The following MGLL variants were observed in gnomAD, a reference collection of about 807,000 sequenced individuals.
The protein encoded by MGLL is lysophospholipase homolog.
Under a neutral mutation model 29.1 loss-of-function variants are expected in MGLL, and 7 were observed. The ratio of observed to expected loss-of-function variants is 0.24; its 90% CI spans 0.14 to 0.45. The LOEUF is 0.45. Ranked by LOEUF, MGLL falls within the 20% of genes least tolerant of loss-of-function variation. The probability of loss-of-function intolerance (pLI) is 0.99; values close to 1 mark genes in which losing one functional copy is unlikely to be tolerated. For missense variants in MGLL, 356 were observed against 413.6 expected (o/e 0.86, Z 1.21); for synonymous variants, 148 against 168.3 (o/e 0.88, Z 0.93).
chr3:127,717,201 G>A (rs1358259217), intron 5 of MGLL, among the ~76,000 whole-genome samples: 1 of 152,222 alleles, frequency 6.6e-6, no homozygotes, highest in East Asian at 1.9e-4. Flanking sequence ...GCTTGAAAGA[G>A]TGGCCATGTT....
At chr3:127,696,312 TC>T (rs2075361325) in intron 6 of MGLL, among the ~76,000 whole-genome samples, 1 of 150,492 alleles carries the variant, frequency 6.6e-6, no homozygotes, top group African/African-American at 2.4e-5. Context: ...CCCTGATCTC[TC>T]TAGCATCTGC....
At chr3:127,787,479 G>A (rs182756160) in intron 2 of MGLL, among the ~76,000 whole-genome samples, 1 of 152,222 alleles carries the variant, frequency 6.6e-6, no homozygotes, top group African/African-American at 2.4e-5. Flanking sequence ...GCAATGCCAG[G>A]CTCCCTTAAA....
intron 3 of MGLL, among the ~76,000 whole-genome samples, chr3:127,750,605 C>T (rs999447443): frequency 2.0e-5 from 3 of 147,954 alleles, no homozygotes; most frequent in South Asian, 4.5e-4. Flanking sequence ...AGGTTTCAGT[C>T]ATTTCCACTC....
intron 2 of MGLL, among the ~76,000 whole-genome samples, chr3:127,794,543 T>A (rs1310378753): frequency 7.1e-6 from 1 of 141,384 alleles, no homozygotes; most frequent in African/African-American, 2.9e-5. Context: ...TCTTCTGTGA[T>A]GTAAGGCTGT....
At chr3:127,754,020 T>C (rs1381155283) in intron 3 of MGLL, among the ~76,000 whole-genome samples, 1 of 152,220 alleles carries the variant, frequency 6.6e-6, no homozygotes, top group Non-Finnish European at 1.5e-5. Flanking sequence ...GCCCATTCTG[T>C]AGCCACAGTA....
intron 6 of MGLL, among the ~76,000 whole-genome samples, chr3:127,697,774 A>C (rs1429514617): frequency 1.3e-5 from 2 of 152,186 alleles, no homozygotes; most frequent in Non-Finnish European, 2.9e-5. Context: ...GGGTGTCCTG[A>C]TGCCAAGAAG....
intron 6 of MGLL, among the ~76,000 whole-genome samples, chr3:127,700,706 C>T (rs1028098294): frequency 6.6e-6 from 1 of 152,234 alleles, no homozygotes; most frequent in Non-Finnish European, 1.5e-5. Flanking sequence ...CAGCTGGCAA[C>T]CGCTGGCCAC....
intron 3 of MGLL, among the ~76,000 whole-genome samples, chr3:127,777,245 C>G (rs586919): frequency 0.7 from 105,887 of 152,086 alleles, 38,544 homozygotes; most frequent in Middle Eastern, 0.84. Context: ...AAAGGAAATC[C>G]TGTGAGTGAG....
chr3:127,815,698 G>A (rs989373110), intron 2 of MGLL, among the ~76,000 whole-genome samples: 1 of 152,172 alleles, frequency 6.6e-6, no homozygotes, highest in Non-Finnish European at 1.5e-5. Context: ...TAGGAGCTGC[G>A]ACCCAGCCCA....
chr3:127,690,747 G>A lies in MGLL; in HGVS notation c.*1451C>T, dbSNP rs969560832. On this transcript the variant is annotated 3_prime_UTR_variant, in exon 8 of 8. Coordinates refer to ENST00000265052, the MANE Select transcript of MGLL (RefSeq NM_007283.7). ...TAACAGCAAGTCCCATTTAGAAGGG[G>A]AAAGTATTCCCGAGGCGGGTGGTGA... 1 of 152,810 alleles carries A rather than the reference G, an allele frequency of 6.5e-6. No individual in the cohort carries two copies. The highest frequency in any genetic ancestry group is 1.5e-5 in the Non-Finnish European group (1 of 68,124). 9.5% of individuals were successfully genotyped at this position (152,810 alleles called of 1,614,324 possible).
intron 2 of MGLL, among the ~76,000 whole-genome samples, chr3:127,788,402 C>A (rs190217103): frequency 6.6e-6 from 1 of 152,246 alleles, no homozygotes; most frequent in Admixed American, 6.5e-5. Context: ...AGGTTTTGAG[C>A]CCAGCAGAAT....
rs1299209823 is a variant in MGLL, at chr3:127,689,635, ATTCC to A, written c.*2559_*2562del. The A allele has an allele frequency of 6.6e-6, 1 of 152,374 alleles. No homozygotes were observed. Among genetic ancestry groups the A allele is most frequent in the African/African-American group, 2.4e-5 (1 of 41,460 alleles). The allele number at this position is 152,374 out of a possible 1,614,324, so 9.4% of individuals were successfully genotyped here. A position where few individuals can be genotyped will look rare whatever the true frequency, so the allele number is the denominator to read the frequency against. Reference sequence around the variant, plus strand: ...GAGGCCAAGCTGTGCGAGACCTGGCATTCCTTCCAAACCTCAGTTCCTCCACGCC... The same window carrying A: ...GAGGCCAAGCTGTGCGAGACCTGGCATTCCAAACCTCAGTTCCTCCACGCC... On this transcript the variant is annotated 3_prime_UTR_variant, in exon 8 of 8. Transcript: ENST00000265052.
At chr3:127,806,674 T>A (rs932589504) in intron 2 of MGLL, among the ~76,000 whole-genome samples, 1 of 151,750 alleles carries the variant, frequency 6.6e-6, no homozygotes, top group South Asian at 2.1e-4. Flanking sequence ...GATGGGTAAA[T>A]GGATGAATGG....
chr3:127,756,100 T>C (rs1021217952), intron 3 of MGLL, among the ~76,000 whole-genome samples: 3 of 152,222 alleles, frequency 2.0e-5, no homozygotes, highest in Non-Finnish European at 4.4e-5. Context: ...ATAAATGTAA[T>C]GTGATGGCTG....
intron 3 of MGLL, among the ~76,000 whole-genome samples, chr3:127,775,306 A>G (rs2077014585): frequency 6.6e-6 from 1 of 152,234 alleles, no homozygotes. Flanking sequence ...AAGGCAAGAA[A>G]AACGGTTAAC....
intron 7 of MGLL, among the ~76,000 whole-genome samples, chr3:127,693,477 A>ACTGGTGCATCCTCACTGG (rs1407865945): frequency 3.4e-4 from 52 of 152,290 alleles, no homozygotes; most frequent in Admixed American, 8.5e-4. Flanking sequence ...AGCGTCCCTG[A>ACTGGTGCATCCTCACTGG]CTGGTGCATC....
At chr3:127,777,502 G>A (rs755274074) in intron 3 of MGLL, among the ~76,000 whole-genome samples, 2 of 152,230 alleles carry the variant, frequency 1.3e-5, no homozygotes, top group African/African-American at 4.8e-5. Flanking sequence ...AGCCTGCCAG[G>A]ATTTCTAAGT....
intron 3 of MGLL, among the ~76,000 whole-genome samples, chr3:127,765,475 G>T (rs1164887099): frequency 6.6e-6 from 1 of 152,220 alleles, no homozygotes; most frequent in African/African-American, 2.4e-5. Context: ...GGCTTCCAAA[G>T]CCCCCAACAC....
At chr3:127,728,812 T>C (rs2076093814) in intron 3 of MGLL, among the ~76,000 whole-genome samples, 1 of 152,316 alleles carries the variant, frequency 6.6e-6, no homozygotes, top group South Asian at 2.1e-4. Context: ...TTCCCCTCCA[T>C]GTGGGAGTGT....
Sources: allele counts gnomAD v4.1 joint callset (sites outside exome capture counted in the v4.1 genomes callset), GRCh38; gene constraint gnomAD v4.1.1; transcripts MANE v1.5; gene names NCBI Gene and HGNC (gene_info 2026-07-23, HGNC 2026-07-21).